IL1RAPL1: variants seen among roughly 807,000 people sequenced by gnomAD.
IL1RAPL1 encodes interleukin 1 receptor accessory protein like 1, also known as interleukin-1 receptor accessory protein-like 1.
A neutral mutation model predicts 48.4 loss-of-function variants in IL1RAPL1; 3 were observed. That is an observed-to-expected ratio of 0.06 (90% CI 0.03 to 0.16). The LOEUF is 0.16. Among genes scored for constraint, IL1RAPL1 ranks in the 10% least tolerant of loss-of-function variants. IL1RAPL1 has a pLI of 1.00. For missense variants in IL1RAPL1, 349 were observed against 530.6 expected, an observed-to-expected ratio of 0.66 and a Z score of 3.36; for synonymous variants, 185 against 187.7, an observed-to-expected ratio of 0.99 and a Z score of 0.12.
At chrX:28,953,440 G>A (rs1924523695) in intron 2 of IL1RAPL1, among the ~76,000 whole-genome samples, 1 of 111,203 alleles carries the variant, frequency 9.0e-6, no homozygotes, top group African/African-American at 3.3e-5. Context: ...TAGATATTTC[G>A]GAATTTACAA....
At chrX:29,914,008 C>T (rs932633483) in intron 6 of IL1RAPL1, among the ~76,000 whole-genome samples, 1 of 111,912 alleles carries the variant, frequency 8.9e-6, no homozygotes, top group African/African-American at 3.3e-5. Flanking sequence ...TTTTTCTATT[C>T]TTCTCTCCAC....
chrX:29,053,249 G>A (rs1927137368), intron 2 of IL1RAPL1, among the ~76,000 whole-genome samples: 1 of 111,910 alleles, frequency 8.9e-6, no homozygotes, highest in African/African-American at 3.3e-5. Context: ...CGTTGTATAA[G>A]TACCACATTT....
intron 1 of IL1RAPL1, among the ~76,000 whole-genome samples, chrX:28,667,431 T>C (rs1478670029): frequency 8.9e-6 from 1 of 112,404 alleles, no homozygotes; most frequent in Admixed American, 9.4e-5. Flanking sequence ...TGTCTTTTGC[T>C]TAAATTCTTG....
At chrX:29,668,525 A>G (rs772213491) in intron 6 of IL1RAPL1, 21 bp downstream of exon 6, 3 of 1,053,622 alleles carry the variant, frequency 2.8e-6, no homozygotes, top group East Asian at 6.1e-5. Context: ...CCTTAATTCT[A>G]GTTAATATGC....
chrX:28,898,034 G>A (rs892357228), intron 2 of IL1RAPL1, among the ~76,000 whole-genome samples: 4 of 111,348 alleles, frequency 3.6e-5, no homozygotes, highest in African/African-American at 1.3e-4. Context: ...GTGGTGGAAT[G>A]TCATTAGTTA....
chrX:29,237,618 G>A (rs187528083), intron 2 of IL1RAPL1, among the ~76,000 whole-genome samples: 1 of 112,713 alleles, frequency 8.9e-6, no homozygotes, highest in Non-Finnish European at 1.9e-5. Context: ...CATATTAAGG[G>A]CCCTGAATAC....
intron 6 of IL1RAPL1, among the ~76,000 whole-genome samples, chrX:29,906,346 CA>C (rs1244832319): frequency 1.0e-3 from 95 of 91,984 alleles, no homozygotes; most frequent in African/African-American, 3.5e-3. Flanking sequence ...AAAAAACAAA[CA>C]AACAACAAAA....
intron 1 of IL1RAPL1, among the ~76,000 whole-genome samples, chrX:28,670,944 G>C (rs1194808910): frequency 8.9e-6 from 1 of 111,975 alleles, no homozygotes; most frequent in Non-Finnish European, 1.9e-5. Flanking sequence ...AATTTCCAGT[G>C]AGTAACATTG....
intron 6 of IL1RAPL1, among the ~76,000 whole-genome samples, chrX:29,728,862 C>G (rs1159077587): frequency 8.9e-6 from 1 of 111,873 alleles, no homozygotes; most frequent in Admixed American, 9.5e-5. Flanking sequence ...GGATTATTGG[C>G]TCACATGCCT....
At chrX:29,275,849 T>C (rs910095413) in intron 2 of IL1RAPL1, among the ~76,000 whole-genome samples, 3 of 112,306 alleles carry the variant, frequency 2.7e-5, no homozygotes, top group African/African-American at 9.7e-5. Flanking sequence ...CACCAATATA[T>C]GACTTGAACT....
At chrX:29,731,196 G>T (rs1454903460) in intron 6 of IL1RAPL1, among the ~76,000 whole-genome samples, 2 of 111,775 alleles carry the variant, frequency 1.8e-5, no homozygotes, top group Non-Finnish European at 3.8e-5. Flanking sequence ...AAAGGCAAAG[G>T]GATAAAGTGG....
chrX:29,406,729 C>A (rs1934077490), intron 5 of IL1RAPL1, among the ~76,000 whole-genome samples: 1 of 106,221 alleles, frequency 9.4e-6, no homozygotes, highest in African/African-American at 3.7e-5. Flanking sequence ...ATTGTTAAGT[C>A]AAATGCCTGC....
At chrX:29,802,785 G>GTGTGTATATATATATATATATATA (rs1929967015) in intron 6 of IL1RAPL1, among the ~76,000 whole-genome samples, 1 of 20,895 alleles carries the variant, frequency 4.8e-5, no homozygotes, top group Admixed American at 6.0e-4. Flanking sequence ...ATATATATGT[G>GTGTGTATATATATATATATATATA]TGTGTGTATA....
intron 9 of IL1RAPL1, among the ~76,000 whole-genome samples, chrX:29,954,169 G>A (rs1052362389): frequency 1.0e-5 from 1 of 99,784 alleles, no homozygotes; most frequent in Non-Finnish European, 2.0e-5. Flanking sequence ...CTGGGAGGTG[G>A]AGGTTGCAGT....
chrX:29,298,420 GCA>G, intron 3 of IL1RAPL1, among the ~76,000 whole-genome samples: 2 of 111,929 alleles, frequency 1.8e-5, no homozygotes, highest in Admixed American at 1.9e-4. Context: ...TTCTGAGGTT[GCA>G]CAAAAGTTCC....
At chrX:29,529,245 T>C (rs895411072) in intron 5 of IL1RAPL1, among the ~76,000 whole-genome samples, 3 of 111,416 alleles carry the variant, frequency 2.7e-5, no homozygotes, top group South Asian at 3.8e-4. Flanking sequence ...AAAAAAGATA[T>C]TGTTATAAAG....
intron 2 of IL1RAPL1, among the ~76,000 whole-genome samples, chrX:28,823,508 T>C (rs1453140186): frequency 9.0e-6 from 1 of 111,078 alleles, no homozygotes; most frequent in African/African-American, 3.3e-5. Context: ...TAACTCTTAG[T>C]ATATTTATTT....
At chrX:28,800,750 G>C (rs73450986) in intron 2 of IL1RAPL1, among the ~76,000 whole-genome samples, 1 of 110,846 alleles carries the variant, frequency 9.0e-6, no homozygotes, top group Admixed American at 9.6e-5. Context: ...TGTAGGGGTG[G>C]AGAGACAACG....
chrX:29,954,586 G>A lies in IL1RAPL1; in HGVS notation c.1266G>A (p.Glu422=), dbSNP rs1933381719. 2.5e-6 allele frequency: 3 copies of A among 1,203,387 alleles called. No homozygotes were observed. Among genetic ancestry groups the A allele is most frequent in the African/African-American group, 3.5e-5 (2 of 57,675 alleles). ...TKVDPDQWNQ[E]TGEEERFALE... ...TGGATCCTGACCAGTGGAATCAAGA[G>A]ACTGGGGAAGAAGAACGTTTTGCCC... Residue 422 remains glutamate, a synonymous_variant, in exon 10 of 11, where the codon GAG becomes GAA. Transcript: ENST00000378993.
Sources: allele counts gnomAD v4.1 joint callset (sites outside exome capture counted in the v4.1 genomes callset), GRCh38; gene constraint gnomAD v4.1.1; transcripts MANE v1.5; gene names NCBI Gene and HGNC (gene_info 2026-07-23, HGNC 2026-07-21).